The following KAZN variants were observed in gnomAD, a reference collection of about 807,000 sequenced individuals.
KAZN encodes kazrin, periplakin interacting protein.
A neutral mutation model predicts 87.4 loss-of-function variants in KAZN; 40 were observed. The observed-to-expected ratio is 0.46, with a 90% CI of 0.36 to 0.60. The LOEUF is 0.60. Ranked by LOEUF, KAZN falls within the 20% of genes least tolerant of loss-of-function variation. KAZN has a pLI of 0.00. For synonymous variants in KAZN, 466 were observed against 458.3 expected (o/e 1.02, Z -0.22); for missense variants, 898 against 1,073.9 (o/e 0.84, Z 2.29).
chr1:14,253,219 A>G (rs1008469026), intron 2 of KAZN, among the ~76,000 whole-genome samples: 5 of 152,056 alleles, frequency 3.3e-5, no homozygotes, highest in Non-Finnish European at 7.4e-5. Context: ...TTGTTGGTGA[A>G]GCACTAAGCT....
intron 2 of KAZN, among the ~76,000 whole-genome samples, chr1:14,578,897 T>C (rs553919904): frequency 3.3e-5 from 5 of 152,176 alleles, no homozygotes; most frequent in Non-Finnish European, 7.3e-5. Flanking sequence ...AGATGAGTAT[T>C]ATCATTACCA....
chr1:14,614,118 C>T (rs1678030981), intron 1 of KAZN, among the ~76,000 whole-genome samples: 1 of 152,176 alleles, frequency 6.6e-6, no homozygotes, highest in Non-Finnish European at 1.5e-5. Context: ...GTCACCCTGC[C>T]TCATCTCCAG....
chr1:14,192,714 C>T (rs527795692), intron 2 of KAZN, among the ~76,000 whole-genome samples: 1 of 152,238 alleles, frequency 6.6e-6, no homozygotes, highest in South Asian at 2.1e-4. Flanking sequence ...CTACAAAACA[C>T]AGTTATGCAG....
chr1:14,735,382 C>T lies in KAZN; in HGVS notation c.226+136159C>T, dbSNP rs149836662. 6.6e-6 allele frequency among the ~76,000 whole-genome samples: 1 copy of T among 152,268 alleles called. No individual in the cohort carries two copies. The highest frequency in any genetic ancestry group is 1.9e-4 in the East Asian group (1 of 5,170). On this transcript the variant is annotated intron_variant, in intron 1 of 14. Transcript: ENST00000376030. The surrounding 1 kb of genome is among the most constrained non-coding windows in gnomAD (Gnocchi z 4.3). ...GCCCGTGCTGTTGTTTTCAAAGACACGTTTATTCTTGAAGGGAACACAAAA... is the reference window on the plus strand; with the variant it reads ...GCCCGTGCTGTTGTTTTCAAAGACATGTTTATTCTTGAAGGGAACACAAAA...
chr1:14,446,189 C>T (rs1360980531), intron 2 of KAZN, among the ~76,000 whole-genome samples: 1 of 152,142 alleles, frequency 6.6e-6, no homozygotes, highest in African/African-American at 2.4e-5. Context: ...GAGCAAGACC[C>T]TGTCTCAGAA....
chr1:15,090,929 G>A (rs959954185), intron 8 of KAZN, among the ~76,000 whole-genome samples: 15 of 152,318 alleles, frequency 9.8e-5, no homozygotes, highest in African/African-American at 3.6e-4. Context: ...TCACCAGGTG[G>A]ATACAGTCCT....
At chr1:14,744,195 G>A (rs992222764) in intron 1 of KAZN, among the ~76,000 whole-genome samples, 4 of 152,158 alleles carry the variant, frequency 2.6e-5, no homozygotes, top group Admixed American at 2.6e-4. Flanking sequence ...AACACTAGCA[G>A]CATTAATAAT....
rs138399507 is a variant in KAZN at position 14,552,304 on chromosome 1, A to G, written c.250-46679A>G. On this transcript the variant is annotated intron_variant, in intron 2 of 16. Transcript: ENST00000636203. ...TCTGTTACAGAAAGATCCGGCTAGC[A>G]GAGCCTCCCTGCAGCTTACCAGGCT... 7.3e-3 allele frequency among the ~76,000 whole-genome samples: 1,116 copies of G among 152,328 alleles called. 16 individuals are homozygous for G. Among genetic ancestry groups the G allele is most frequent in the African/African-American group, 0.025 (1,052 of 41,578 alleles).
intron 1 of KAZN, among the ~76,000 whole-genome samples, chr1:14,047,809 A>G (rs150021442): frequency 4.3e-4 from 65 of 152,050 alleles, no homozygotes; most frequent in African/African-American, 1.6e-3. Context: ...TGGAGGTTGC[A>G]GTGAGCTGAG....
chr1:14,134,094 T>A (rs1180249082), intron 1 of KAZN, among the ~76,000 whole-genome samples: 4 of 152,236 alleles, frequency 2.6e-5, no homozygotes, highest in African/African-American at 9.6e-5. Flanking sequence ...AGGATTTAGC[T>A]GGATACTACA....
At chr1:13,963,756 GGTCTGTGTGTGTGT>G (rs960837897) in intron 1 of KAZN, among the ~76,000 whole-genome samples, 4 of 117,040 alleles carry the variant, frequency 3.4e-5, no homozygotes, top group African/African-American at 1.3e-4. Context: ...TTTCTGCTGT[GGTCTGTGTGTGTGT>G]GTGTGTGTGT....
intron 1 of KAZN, among the ~76,000 whole-genome samples, chr1:14,774,013 C>T (rs755102158): frequency 2.6e-5 from 4 of 152,222 alleles, no homozygotes; most frequent in South Asian, 2.1e-4. Flanking sequence ...CCTGAGCTGC[C>T]GCCATTTTCA....
intron 1 of KAZN, among the ~76,000 whole-genome samples, chr1:14,958,323 T>A (rs531354828): frequency 1.3e-5 from 2 of 151,576 alleles, no homozygotes; most frequent in East Asian, 3.9e-4. Context: ...ATTTCCTGTG[T>A]ATGTGGAGCA....
rs1269488367 is a variant in KAZN, at chr1:14,637,435, G to A, written c.226+38212G>A. Among the ~76,000 whole-genome samples the A allele has an allele frequency of 5.3e-5, 8 of 152,172 alleles. No individual in the cohort carries two copies. In the South Asian group the frequency reaches 6.2e-4, roughly 12 times the overall value. ...CCACAGATGAGGAAAACTGAGGCTCGGAAAGGTCACATGACTTGCCAAGGG... is the reference window on the plus strand; with the variant it reads ...CCACAGATGAGGAAAACTGAGGCTCAGAAAGGTCACATGACTTGCCAAGGG... On this transcript the variant is annotated intron_variant, in intron 1 of 14. Coordinates refer to ENST00000376030, the MANE Select transcript of KAZN (RefSeq NM_201628.3).
intron 2 of KAZN, among the ~76,000 whole-genome samples, chr1:14,377,637 C>G (rs997997262): frequency 3.9e-5 from 6 of 152,144 alleles, no homozygotes; most frequent in Non-Finnish European, 7.3e-5. Context: ...TACTGGGCAA[C>G]AAAACTAAGG....
At chr1:14,882,440 T>C (rs1470066116) in intron 1 of KAZN, among the ~76,000 whole-genome samples, 1 of 152,164 alleles carries the variant, frequency 6.6e-6, no homozygotes, top group Non-Finnish European at 1.5e-5. Flanking sequence ...TCGGTTTCCT[T>C]GTCTGTAGTA....
intron 2 of KAZN, among the ~76,000 whole-genome samples, chr1:14,403,428 T>C (rs998735347): frequency 6.6e-6 from 1 of 152,012 alleles, no homozygotes; most frequent in African/African-American, 2.4e-5. Context: ...AAAAGAAACA[T>C]TAATATTTGG....
At chr1:14,056,479 C>T (rs1294317141) in intron 1 of KAZN, among the ~76,000 whole-genome samples, 2 of 152,208 alleles carry the variant, frequency 1.3e-5, no homozygotes, top group African/African-American at 4.8e-5. Context: ...CCAGAAGGGA[C>T]CCAGCCCTGC....
At chr1:14,221,201 G>A (rs146744206) in intron 2 of KAZN, among the ~76,000 whole-genome samples, 197 of 152,136 alleles carry the variant, frequency 1.3e-3, no homozygotes, top group African/African-American at 4.6e-3. Context: ...CCATCCCTTT[G>A]TGGATGATTT....
Sources: gnomAD v4.1 joint callset for allele counts (sites outside exome capture counted in the v4.1 genomes callset) on GRCh38, gnomAD v4.1.1 for gene constraint, Gnocchi (gnomAD v3.1) non-coding constraint, MANE v1.5 for transcripts, NCBI Gene and HGNC (gene_info 2026-07-23, HGNC 2026-07-21) for gene names.